The following LHFPL2 variants were observed in gnomAD, a reference collection of about 807,000 sequenced individuals.
LHFPL2 encodes LHFPL tetraspan subfamily member 2 protein.
Under a neutral mutation model 17.5 loss-of-function variants are expected in LHFPL2, and 7 were observed. That is an observed-to-expected ratio of 0.40 (90% confidence interval 0.23 to 0.75). The LOEUF is 0.75. LHFPL2 is among the 30% of genes least tolerant of loss of function. The pLI, the probability that LHFPL2 is intolerant of heterozygous loss-of-function variation, is 0.37. For synonymous variants in LHFPL2, 134 were observed against 116.2 expected, an observed-to-expected ratio of 1.15 and a Z score of -0.99; for missense variants, 241 against 294.8, an observed-to-expected ratio of 0.82 and a Z score of 1.34.
intron 3 of LHFPL2, among the ~76,000 whole-genome samples, chr5:78,552,774 T>C (rs766854747): frequency 1.7e-4 from 26 of 152,350 alleles, no homozygotes; most frequent in Non-Finnish European, 2.9e-4. Flanking sequence ...AGAAAATATA[T>C]GGCAAATAAA....
chr5:78,608,692 G>A (rs1744310192), intron 2 of LHFPL2, among the ~76,000 whole-genome samples: 1 of 152,140 alleles, frequency 6.6e-6, no homozygotes, highest in African/African-American at 2.4e-5. Context: ...CAGCACTTTG[G>A]GAGGCCGAGG....
intron 2 of LHFPL2, among the ~76,000 whole-genome samples, chr5:78,579,352 A>T (rs1412168875): frequency 2.6e-5 from 4 of 151,452 alleles, no homozygotes; most frequent in African/African-American, 9.7e-5. Flanking sequence ...TTTATTTATT[A>T]TTATTATACT....
intron 2 of LHFPL2, among the ~76,000 whole-genome samples, chr5:78,603,176 G>A (rs1744084627): frequency 6.6e-6 from 1 of 152,176 alleles, no homozygotes. Flanking sequence ...ACAGGCATGA[G>A]CCACCATACC....
chr5:78,570,549 G>C (rs1756970144), intron 2 of LHFPL2, among the ~76,000 whole-genome samples: 1 of 151,488 alleles, frequency 6.6e-6, no homozygotes, highest in Admixed American at 6.6e-5. Context: ...AATGTGTATA[G>C]GCAATTCTGA....
At chr5:78,559,181 T>C (rs1192630485) in intron 3 of LHFPL2, among the ~76,000 whole-genome samples, 1 of 152,244 alleles carries the variant, frequency 6.6e-6, no homozygotes, top group African/African-American at 2.4e-5. Flanking sequence ...CTTTACTTTT[T>C]GGCTTAAAAG....
At chr5:78,644,672 ATCTCACT>A in intron 1 of LHFPL2, 1 of 305,726 alleles carries the variant, frequency 3.3e-6, no homozygotes, top group Non-Finnish European at 6.5e-6. Flanking sequence ...ATGTCTTCAA[ATCTCACT>A]TTCTCTTTAG....
intron 1 of LHFPL2, among the ~76,000 whole-genome samples, chr5:78,635,432 C>T (rs1385136221): frequency 6.6e-6 from 1 of 152,240 alleles, no homozygotes; most frequent in Non-Finnish European, 1.5e-5. Flanking sequence ...CCAAGCTCAC[C>T]TGCTAAGCAG....
At chr5:78,556,212 T>A (rs183507256) in intron 3 of LHFPL2, among the ~76,000 whole-genome samples, 27 of 152,298 alleles carry the variant, frequency 1.8e-4, no homozygotes, top group African/African-American at 5.8e-4. Flanking sequence ...AGTTAACAAT[T>A]ACAGAGCATA....
Position 78,579,870 on chromosome 5 carries a change from G to T in LHFPL2, c.-244-14999C>A, listed in dbSNP as rs184704752. Among the ~76,000 whole-genome samples, 6 of 152,328 alleles carry T rather than the reference G, an allele frequency of 3.9e-5. No individual in the cohort carries two copies. The East Asian group carries it at 1.2e-3, about 29-fold the overall frequency. On this transcript the variant is annotated intron_variant, in intron 2 of 4. Transcript: ENST00000380345. The stretch of plus-strand genomic sequence containing the variant: ...TTGGGTATATACCCAGTAATGGGAT[G>T]GCTGGGTCAAATGGTGTTTCTAGTC...
chr5:78,546,289 G>A (rs1416566989), intron 3 of LHFPL2, among the ~76,000 whole-genome samples: 4 of 152,110 alleles, frequency 2.6e-5, no homozygotes, highest in African/African-American at 7.2e-5. Context: ...TCATAAAGCC[G>A]CATCTCTGGC....
intron 3 of LHFPL2, among the ~76,000 whole-genome samples, chr5:78,540,968 A>G (rs1193033165): frequency 6.6e-6 from 1 of 152,236 alleles, no homozygotes; most frequent in Non-Finnish European, 1.5e-5. Flanking sequence ...GCTGACCTCT[A>G]GCAGTGCCAA....
At chr5:78,609,025 G>T (rs145210067) in intron 2 of LHFPL2, among the ~76,000 whole-genome samples, 4 of 151,916 alleles carry the variant, frequency 2.6e-5, no homozygotes, top group African/African-American at 7.3e-5. Context: ...TGACCTTTCT[G>T]CAAGAGTTTG....
chr5:78,635,142 C>G (rs1242354091), intron 1 of LHFPL2, among the ~76,000 whole-genome samples: 4 of 152,234 alleles, frequency 2.6e-5, no homozygotes, highest in Non-Finnish European at 5.9e-5. Flanking sequence ...CCCATCCCCA[C>G]TCTGTTCTCA....
At chr5:78,536,088 T>C (rs914897057) in intron 3 of LHFPL2, among the ~76,000 whole-genome samples, 17 of 152,090 alleles carry the variant, frequency 1.1e-4, no homozygotes, top group African/African-American at 3.9e-4. Context: ...CAGGAGCCCA[T>C]ATCAAGAACA....
At chr5:78,506,205 ATTAT>A in intron 4 of LHFPL2, among the ~76,000 whole-genome samples, 1 of 152,318 alleles carries the variant, frequency 6.6e-6, no homozygotes, top group East Asian at 1.9e-4. Flanking sequence ...CAAGATTTTG[ATTAT>A]TTATGCTGTG....
chr5:78,551,226 G>A (rs1007028434), intron 3 of LHFPL2, among the ~76,000 whole-genome samples: 1 of 152,242 alleles, frequency 6.6e-6, no homozygotes, highest in African/African-American at 2.4e-5. Flanking sequence ...AATGATAAAA[G>A]AGGAAGTAGA....
intron 3 of LHFPL2, among the ~76,000 whole-genome samples, chr5:78,516,973 C>T (rs1200341983): frequency 6.6e-6 from 1 of 152,204 alleles, no homozygotes; most frequent in Admixed American, 6.5e-5. Flanking sequence ...GACATGGGTT[C>T]AGAAAACTGC....
In LHFPL2 at chr5:78,595,186, G is replaced by A. The variant is rs147590475; in HGVS notation, c.-244-30315C>T. On this transcript the variant is annotated intron_variant, in intron 2 of 4. Transcript: ENST00000380345. ...TAGACAAGCCATGTGCAGACATCCC[G>A]CCTCCAGTCAGGACGTGGGGATTCT... Among the ~76,000 whole-genome samples the A allele has an allele frequency of 5.1e-3, 773 of 152,312 alleles. 11 individuals are homozygous for A. The highest frequency in any genetic ancestry group is 0.018 in the African/African-American group (742 of 41,560).
intron 2 of LHFPL2, among the ~76,000 whole-genome samples, chr5:78,619,797 T>C (rs1744774093): frequency 8.1e-6 from 1 of 123,068 alleles, no homozygotes; most frequent in African/African-American, 3.0e-5. Context: ...AGAATGATGA[T>C]TTCCAATTTC....
Sources: gnomAD v4.1 joint callset for allele counts (sites outside exome capture counted in the v4.1 genomes callset) on GRCh38, gnomAD v4.1.1 for gene constraint, MANE v1.5 for transcripts, NCBI Gene and HGNC (gene_info 2026-07-23, HGNC 2026-07-21) for gene names.